Variants in LRSAM1 observed in about 807,000 individuals in gnomAD.
The protein encoded by LRSAM1 is leucine rich repeat and sterile alpha motif containing 1.
In LRSAM1, 96 loss-of-function variants were observed where a neutral mutation model predicts 118.1. The observed-to-expected ratio is 0.81, with a 90% CI of 0.69 to 0.96. LRSAM1 has a LOEUF of 0.96. LRSAM1 is among the 40% of genes least tolerant of loss of function. The pLI, the probability that LRSAM1 is intolerant of heterozygous loss-of-function variation, is 0.00. For synonymous variants in LRSAM1, 322 were observed against 364.2 expected (o/e 0.88, Z 1.32); for missense variants, 804 against 915.5 (o/e 0.88, Z 1.57).
At chr9:127,479,799 G>A (rs1835465954) in intron 13 of LRSAM1, 40 bp from the exon 14 acceptor site, 1 of 1,605,236 alleles carries the variant, frequency 6.2e-7, no homozygotes, top group African/African-American at 1.3e-5. Context: ...CGGCGTCTGA[G>A]GGGGTCCCAG....
intron 11 of LRSAM1, 141 bp downstream of exon 11, chr9:127,474,072 C>T: frequency 2.2e-6 from 3 of 1,387,640 alleles, no homozygotes; most frequent in Non-Finnish European, 3.0e-6. Context: ...GAACTGGCCT[C>T]CTGACGAGTT....
At chr9:127,472,196 G>A (rs1006166051) in intron 10 of LRSAM1, among the ~76,000 whole-genome samples, 10 of 151,268 alleles carry the variant, frequency 6.6e-5, no homozygotes, top group Non-Finnish European at 1.3e-4. Flanking sequence ...TCCTGACCTC[G>A]TGATCCACCC....
chr9:127,460,979 C>A (rs1834719481), intron 7 of LRSAM1, among the ~76,000 whole-genome samples, 194 bp from the exon 8 acceptor site: 1 of 151,272 alleles, frequency 6.6e-6, no homozygotes, highest in African/African-American at 2.4e-5. Context: ...CCTCAGCCTC[C>A]CGAGTAGCTG....
At chr9:127,473,073 A>G (rs997397831) in intron 10 of LRSAM1, among the ~76,000 whole-genome samples, 7 of 152,222 alleles carry the variant, frequency 4.6e-5, no homozygotes, top group Non-Finnish European at 7.3e-5. Flanking sequence ...AATCGGATGG[A>G]TAACAAGAGA....
intron 25 of LRSAM1, among the ~76,000 whole-genome samples, chr9:127,501,639 G>A (rs957843892): frequency 6.6e-6 from 1 of 152,186 alleles, no homozygotes; most frequent in Non-Finnish European, 1.5e-5. Flanking sequence ...GGCTGAGGCA[G>A]GAGAATCGCT....
Position 127,457,376 on chromosome 9 carries a change from A to C in LRSAM1, c.235A>C (p.Ser79Arg), listed in dbSNP as rs1387919263. 1 of 1,614,212 alleles carries C rather than the reference A, an allele frequency of 6.2e-7. No individual in the cohort carries two copies. The highest frequency in any genetic ancestry group is 1.7e-5 in the Admixed American group (1 of 60,028). The change falls in exon 6 of 26, where the codon AGT (serine) becomes CGT (arginine). Residue 79 changes from serine to arginine, a missense_variant. Transcript: ENST00000300417. ...GCTTCCCAAATCCTGCAGCCTCCTG[A>C]GTCTGGCAACCATCAAGGTACTGGG... ...SLLPKSCSLL[S>R]LATIKVLDLH...
chr9:127,494,214 A>G (rs1380962927), intron 21 of LRSAM1, among the ~76,000 whole-genome samples: 1 of 152,250 alleles, frequency 6.6e-6, no homozygotes, highest in African/African-American at 2.4e-5. Flanking sequence ...GGGAGGGCCA[A>G]CGACGGAAGG....
At chr9:127,470,546 C>T (rs963982940) in intron 10 of LRSAM1, among the ~76,000 whole-genome samples, 4 of 152,018 alleles carry the variant, frequency 2.6e-5, no homozygotes, top group African/African-American at 7.2e-5. Flanking sequence ...TGAATAAATG[C>T]CAAAAGCCAT....
rs1836112949 is a variant in LRSAM1 at position 127,495,813 on chromosome 9, A to G, written c.1699-151A>G. The G allele has an allele frequency of 6.0e-6, 7 of 1,165,896 alleles. No individual in the cohort carries two copies. The Admixed American group carries it at 6.2e-5, about 10-fold the overall frequency. The allele number at this position is 1,165,896 out of a possible 1,614,324, so 72.2% of individuals were successfully genotyped here. A position where few individuals can be genotyped will look rare whatever the true frequency, so the allele number is the denominator to read the frequency against. On this transcript the variant is annotated intron_variant, in intron 22 of 25. Transcript: ENST00000300417. ...AACCCCTGGGCCTATCTATCTATCT[A>G]TCTCTGTGTGCCTACCTATGAGTTT...
chr9:127,464,898 T>C (rs937073829), intron 9 of LRSAM1, among the ~76,000 whole-genome samples: 8 of 151,950 alleles, frequency 5.3e-5, no homozygotes. Context: ...CCGCCTTGAC[T>C]CCCAAGTAGG....
intron 7 of LRSAM1, among the ~76,000 whole-genome samples, chr9:127,460,889 T>C (rs1248858873): frequency 1.6e-5 from 2 of 122,434 alleles, no homozygotes; most frequent in African/African-American, 6.1e-5. Flanking sequence ...GGAGTCTCAC[T>C]CTGTTGCCCA....
At chr9:127,470,088 AT>A (rs748590846) in intron 10 of LRSAM1, among the ~76,000 whole-genome samples, 1 of 152,086 alleles carries the variant, frequency 6.6e-6, no homozygotes, top group Non-Finnish European at 1.5e-5. Context: ...CTTAAAAATT[AT>A]TCTCAATATC....
rs747640905 is a variant in LRSAM1, at chr9:127,489,481, T to C, written c.1385T>C (p.Val462Ala). 6.2e-7 allele frequency: 1 copy of C among 1,610,314 alleles called. No individual in the cohort carries two copies. Among genetic ancestry groups the C allele is most frequent in the East Asian group, 2.2e-5 (1 of 44,792 alleles). The change falls in exon 19 of 26, where the codon GTG (valine) becomes GCG (alanine). Residue 462 changes from valine to alanine, a missense_variant. Coordinates refer to ENST00000300417, the MANE Select transcript of LRSAM1 (RefSeq NM_001005373.4). ...MQKAAFEALQ[V>A]KKDLMHRQIR... Reference sequence around the variant, plus strand: ...AAGGCTGCGTTCGAGGCACTCCAGGTGAAGAAAGACCTGATGCATCGGCAG... The same window carrying C: ...AAGGCTGCGTTCGAGGCACTCCAGGCGAAGAAAGACCTGATGCATCGGCAG...
chr9:127,459,157 C>T, intron 7 of LRSAM1, 86 bp downstream of exon 7: 1 of 1,333,978 alleles, frequency 7.5e-7, no homozygotes, highest in Non-Finnish European at 1.1e-6. Context: ...TGGCCGGGCT[C>T]CAGCCAGTGG....
intron 10 of LRSAM1, among the ~76,000 whole-genome samples, chr9:127,470,257 A>G (rs1180966296): frequency 6.6e-6 from 1 of 152,074 alleles, no homozygotes; most frequent in Non-Finnish European, 1.5e-5. Flanking sequence ...ACAGTTTCAC[A>G]TGGCCGGGAG....
chr9:127,487,051 GT>G (rs535181174), intron 17 of LRSAM1, among the ~76,000 whole-genome samples: 13 of 152,162 alleles, frequency 8.5e-5, no homozygotes, highest in Admixed American at 5.2e-4. Context: ...AAACGTAGCA[GT>G]GGGCGCCTGT....
chr9:127,489,527 T>C lies in LRSAM1; in HGVS notation c.1422+9T>C. 8 of 1,603,512 alleles carry C rather than the reference T, an allele frequency of 5.0e-6. No individual in the cohort carries two copies. The highest frequency in any genetic ancestry group is 6.8e-6 in the Non-Finnish European group (8 of 1,176,510). ...GGCAGATCAGGAGCCAGGTGAGCGC[T>C]GGGGCTGGGGTCCCTGGACCTGCTC... On this transcript the variant is annotated intron_variant, in intron 19 of 25. Transcript: ENST00000300417.
intron 15 of LRSAM1, among the ~76,000 whole-genome samples, chr9:127,482,663 T>C (rs1588123648): frequency 1.3e-5 from 2 of 152,274 alleles, no homozygotes; most frequent in East Asian, 3.8e-4. Context: ...ATGTTAAGCA[T>C]CTTTCCAGAT....
chr9:127,475,355 G>T (rs1205428871), intron 11 of LRSAM1, among the ~76,000 whole-genome samples: 1 of 152,072 alleles, frequency 6.6e-6, no homozygotes, highest in Non-Finnish European at 1.5e-5. Flanking sequence ...GCCAGGCATG[G>T]AGGCGTGCAC....
Sources: allele counts gnomAD v4.1 joint callset (sites outside exome capture counted in the v4.1 genomes callset), GRCh38; gene constraint gnomAD v4.1.1; transcripts MANE v1.5; gene names NCBI Gene and HGNC (gene_info 2026-07-23, HGNC 2026-07-21).